The following PSAP variants were observed in gnomAD, a reference collection of about 807,000 sequenced individuals.
PSAP encodes precursor of saposins.
A neutral mutation model predicts 66.0 loss-of-function variants in PSAP; 25 were observed. That is an observed-to-expected ratio of 0.38 (90% CI 0.28 to 0.53). PSAP has a LOEUF of 0.53. Among genes scored for constraint, PSAP ranks in the 20% least tolerant of loss-of-function variants. The pLI, the probability that PSAP is intolerant of heterozygous loss-of-function variation, is 0.83. For synonymous variants in PSAP, 273 were observed against 258.9 expected, an observed-to-expected ratio of 1.05 and a Z score of -0.52; for missense variants, 649 against 668.8, an observed-to-expected ratio of 0.97 and a Z score of 0.33.
chr10:71,847,807 A>C (rs1224465494), intron 1 of PSAP, among the ~76,000 whole-genome samples: 2 of 152,232 alleles, frequency 1.3e-5, no homozygotes, highest in Non-Finnish European at 2.9e-5. Flanking sequence ...TTTATCCAAA[A>C]TCCCTGACAG....
In PSAP at chr10:71,835,221, A is replaced by AATAG. The variant is rs1425995092; in HGVS notation, c.41-717_41-716insCTAT. On this transcript the variant is annotated intron_variant, in intron 1 of 13. Transcript: ENST00000394936. The stretch of plus-strand genomic sequence containing the variant: ...GACAGAGCGAGACTCCGTTTCAAAA[A>AATAG]ATAAATAAATAAATAAATAAATAAA... Among the ~76,000 whole-genome samples, 9 of 35,574 alleles carry AATAG rather than the reference A, an allele frequency of 2.5e-4. No individual in the cohort carries two copies. The East Asian group carries it at 3.9e-3, about 15-fold the overall frequency. The allele number at this position is 35,574 out of a possible 152,430, so 23.3% of individuals were successfully genotyped here. A position where few individuals can be genotyped will look rare whatever the true frequency, so the allele number is the denominator to read the frequency against.
At chr10:71,829,968 G>A (rs982458962) in intron 4 of PSAP, among the ~76,000 whole-genome samples, 2 of 152,130 alleles carry the variant, frequency 1.3e-5, no homozygotes, top group African/African-American at 4.8e-5. Context: ...TTGCACTCCA[G>A]GCTGGGCGAC....
At position 71,822,004 on chromosome 10, in the gene PSAP, G is replaced by T; in HGVS notation, c.781C>A (p.Pro261Thr). 1 of 1,614,118 alleles carries T rather than the reference G, an allele frequency of 6.2e-7. No homozygotes were observed. The highest frequency in any genetic ancestry group is 8.5e-7 in the Non-Finnish European group (1 of 1,179,996). The change falls in exon 8 of 14, where the codon CCC becomes ACC. Residue 261 changes from proline (P) to threonine (T), a missense_variant. Coordinates refer to ENST00000394936, the MANE Select transcript of PSAP (RefSeq NM_002778.4). The part of the protein sequence containing the change: ...IAIQMMMHMQ[P>T]KEICALVGFC... ...CCAACCAGCGCACAGATCTCCTTGG[G>T]TTGCTGAAGAGAGCACAGAACAACC...
chr10:71,838,440 A>T (rs1271790310), intron 1 of PSAP, among the ~76,000 whole-genome samples: 1 of 147,192 alleles, frequency 6.8e-6, no homozygotes, highest in Non-Finnish European at 1.5e-5. Context: ...ACACGCGGTC[A>T]TCTCCAAGGA....
chr10:71,835,968 G>A (rs546299694), intron 1 of PSAP, among the ~76,000 whole-genome samples: 6 of 152,194 alleles, frequency 3.9e-5, no homozygotes, highest in East Asian at 1.9e-4. Flanking sequence ...AGGTCAGTAC[G>A]TGTTCTTCCT....
intron 8 of PSAP, among the ~76,000 whole-genome samples, chr10:71,821,463 T>C (rs959127141): frequency 6.6e-6 from 1 of 152,210 alleles, no homozygotes; most frequent in Non-Finnish European, 1.5e-5. Context: ...GTACTTAGTA[T>C]ACAGGCTGCA....
intron 6 of PSAP, among the ~76,000 whole-genome samples, chr10:71,827,664 T>C (rs1322065508): frequency 2.0e-5 from 3 of 150,252 alleles, no homozygotes; most frequent in African/African-American, 7.4e-5. Flanking sequence ...GAGGTAGAGG[T>C]TGCAGTGAGC....
In PSAP at chr10:71,817,176, G is replaced by A. The variant is rs150766866; in HGVS notation, c.*265C>T. 6.1e-5 allele frequency: 34 copies of A among 554,674 alleles called. No homozygotes were observed. The highest frequency in any genetic ancestry group is 5.1e-4 in the African/African-American group (27 of 53,018). 34.4% of individuals were successfully genotyped at this position (554,674 alleles called of 1,614,324 possible). A position where few individuals can be genotyped will look rare whatever the true frequency, so the allele number is the denominator to read the frequency against. ...AGAGCTCTCTCCTCCTCCAGCAGGC[G>A]CCATGCAAGGGCAGGCTAAAAGACC... On this transcript the variant is annotated 3_prime_UTR_variant, in exon 14 of 14. Transcript: ENST00000394936.
intron 7 of PSAP, 151 bp from the exon 8 acceptor site, chr10:71,822,158 G>A (rs971264845): frequency 2.0e-6 from 2 of 1,023,272 alleles, no homozygotes; most frequent in African/African-American, 1.6e-5. Context: ...GCAGATTCCA[G>A]TTTCCATGTT....
At position 71,828,862 on chromosome 10, in the gene PSAP, A is replaced by C. The variant is rs1254475521; in HGVS notation, c.576+15T>G. The C allele has an allele frequency of 6.2e-7, 1 of 1,613,668 alleles. No homozygotes were observed. The highest frequency in any genetic ancestry group is 8.5e-7 in the Non-Finnish European group (1 of 1,179,930). ...AACCAAAAATGGGTCCTCAGTGGCC[A>C]GCCCGTTGTCTTACCTTTGGCTGGG... On this transcript the variant is annotated intron_variant, in intron 5 of 13. Transcript: ENST00000394936.
chr10:71,821,856 C>T lies in PSAP; in HGVS notation c.909+20G>A. 2 of 1,614,112 alleles carry T rather than the reference C, an allele frequency of 1.2e-6. No homozygotes were observed. Among genetic ancestry groups the T allele is most frequent in the East Asian group, 2.2e-5 (1 of 44,890 alleles). ...TGGCATTGCACAGCCCTGACCAGGA[C>T]ACAAAGTGACACCAGGTACCTTAAT... On this transcript the variant is annotated intron_variant, in intron 8 of 13. Coordinates refer to ENST00000394936, the MANE Select transcript of PSAP (RefSeq NM_002778.4).
intron 1 of PSAP, among the ~76,000 whole-genome samples, chr10:71,850,895 G>C (rs1344400403): frequency 6.6e-6 from 1 of 152,254 alleles, no homozygotes; most frequent in Non-Finnish European, 1.5e-5. Context: ...CGCAGCCTGA[G>C]GGAAGGCCTC....
At chr10:71,847,937 G>A (rs78073671) in intron 1 of PSAP, among the ~76,000 whole-genome samples, 3,651 of 152,238 alleles carry the variant, frequency 0.024, 73 homozygotes, top group Non-Finnish European at 0.037. Context: ...TTAGCGTGGT[G>A]TAGACAACAT....
chr10:71,829,601 T>C (rs1022723981), intron 4 of PSAP, among the ~76,000 whole-genome samples: 1 of 152,146 alleles, frequency 6.6e-6, no homozygotes, highest in African/African-American at 2.4e-5. Flanking sequence ...CCTTTTTTTC[T>C]TTTTTTATAA....
At chr10:71,825,578 A>C (rs1842386333) in intron 7 of PSAP, 1 of 554,448 alleles carries the variant, frequency 1.8e-6, no homozygotes, top group African/African-American at 1.9e-5. Flanking sequence ...GGCTGGCCTG[A>C]ACGGGCAGAG....
rs111984298 is a variant in PSAP, at chr10:71,819,030, C to A, written c.1431+1G>T. On this transcript the variant is annotated splice_donor_variant, in intron 12 of 13. Coordinates refer to ENST00000394936, the MANE Select transcript of PSAP (RefSeq NM_002778.4). LOFTEE classifies it high-confidence loss of function. ...GGACCACACCACCCAGTGAGGCTCA[C>A]CAAGCACACGAAGGAAGGATCCATC... 6.2e-7 allele frequency: 1 copy of A among 1,613,866 alleles called. No individual in the cohort carries two copies. Among genetic ancestry groups the A allele is most frequent in the Non-Finnish European group, 8.5e-7 (1 of 1,179,774 alleles).
rs1444728021 is a variant in PSAP at position 71,829,080 on chromosome 10, G to A, written c.376-3C>T. 5 of 1,613,368 alleles carry A rather than the reference G, an allele frequency of 3.1e-6. No homozygotes were observed. In the Admixed American group the frequency reaches 8.3e-5, roughly 27 times the overall value. The stretch of plus-strand genomic sequence containing the variant: ...GAGCACACCTCCCCAGGACGGCTCT[G>A]GTGGGATGGAAAGAAGTCCTGCTGA... On this transcript the variant is annotated splice_region_variant and splice_polypyrimidine_tract_variant and intron_variant, in intron 4 of 13. Coordinates refer to ENST00000394936, the MANE Select transcript of PSAP (RefSeq NM_002778.4).
At chr10:71,845,994 G>A (rs1037420173) in intron 1 of PSAP, among the ~76,000 whole-genome samples, 4 of 152,138 alleles carry the variant, frequency 2.6e-5, no homozygotes, top group Non-Finnish European at 5.9e-5. Flanking sequence ...AATTAAAGAC[G>A]CCAAAGGAAA....
intron 7 of PSAP, among the ~76,000 whole-genome samples, chr10:71,822,469 T>A (rs1376539195): frequency 6.6e-6 from 1 of 152,214 alleles, no homozygotes; most frequent in Non-Finnish European, 1.5e-5. Flanking sequence ...GGCAGGACCA[T>A]TTAAAATGAT....
Sources: gnomAD v4.1 joint callset for allele counts (sites outside exome capture counted in the v4.1 genomes callset) on GRCh38, gnomAD v4.1.1 for gene constraint, MANE v1.5 for transcripts, NCBI Gene and HGNC (gene_info 2026-07-23, HGNC 2026-07-21) for gene names.